SH3PXD2A: variants seen among roughly 807,000 people sequenced by gnomAD.
SH3PXD2A encodes SH3 and PX domain-containing protein 2A.
In SH3PXD2A, 32 loss-of-function variants were observed where a neutral mutation model predicts 115.2. The observed-to-expected ratio is 0.28, with a 90% CI of 0.21 to 0.37. SH3PXD2A has a LOEUF of 0.37. Ranked by LOEUF, SH3PXD2A falls within the 10% of genes least tolerant of loss-of-function variation. The pLI, the probability that SH3PXD2A is intolerant of heterozygous loss-of-function variation, is 1.00. For missense variants in SH3PXD2A, 1,328 were observed against 1,498.7 expected (o/e 0.89, Z 1.88); for synonymous variants, 610 against 629.1 (o/e 0.97, Z 0.45).
intron 13 of SH3PXD2A, 84 bp downstream of exon 13, chr10:103,611,497 G>C: frequency 7.9e-7 from 1 of 1,265,650 alleles, no homozygotes; most frequent in Non-Finnish European, 1.2e-6. Flanking sequence ...AAGAGGCTCT[G>C]CCGCAAGATA....
chr10:103,803,604 G>T (rs11816468), intron 1 of SH3PXD2A, among the ~76,000 whole-genome samples: 3,908 of 152,214 alleles, frequency 0.026, 164 homozygotes, highest in African/African-American at 0.088. Context: ...CAGAGCAAAA[G>T]ATTTGAACCC....
chr10:103,617,762 T>C (rs566938158), intron 10 of SH3PXD2A, among the ~76,000 whole-genome samples: 94 of 152,326 alleles, frequency 6.2e-4, no homozygotes, highest in African/African-American at 2.1e-3. Context: ...TTTCCATCTG[T>C]GTCCCAGATG....
At chr10:103,852,591 G>A (rs1283990284) in intron 1 of SH3PXD2A, among the ~76,000 whole-genome samples, 2 of 152,286 alleles carry the variant, frequency 1.3e-5, no homozygotes, top group East Asian at 1.9e-4. Context: ...GGTGCAGCAC[G>A]TCCTGCCAGC....
chr10:103,803,109 T>A (rs1318856377), intron 1 of SH3PXD2A, among the ~76,000 whole-genome samples: 1 of 152,168 alleles, frequency 6.6e-6, no homozygotes, highest in African/African-American at 2.4e-5. Flanking sequence ...CAGTCTCTTC[T>A]CCCTTCCTAT....
At chr10:103,749,452 A>T (rs1050611071) in intron 3 of SH3PXD2A, among the ~76,000 whole-genome samples, 2 of 152,218 alleles carry the variant, frequency 1.3e-5, no homozygotes, top group Non-Finnish European at 2.9e-5. Context: ...AGCCTAGCAA[A>T]CGTAGCCTAT....
At position 103,730,350 on chromosome 10, in the gene SH3PXD2A, G is replaced by T. The variant is rs566167566; in HGVS notation, c.306+5382C>A. ...TGTGGGTAAAAGCCCGGCCGCGCTG[G>T]GTGGAGTTGGAGGTGTGGCACAAGG... is the stretch of plus-strand genomic sequence containing the variant. On this transcript the variant is annotated intron_variant, in intron 4 of 14. Coordinates refer to ENST00000369774, the MANE Select transcript of SH3PXD2A (RefSeq NM_001394015.1). Among the ~76,000 whole-genome samples the T allele has an allele frequency of 4.0e-5, 6 of 151,732 alleles. No individual in the cohort carries two copies. In the East Asian group the frequency reaches 1.2e-3, roughly 30 times the overall value.
At chr10:103,704,328 A>AG (rs1374513264) in intron 5 of SH3PXD2A, among the ~76,000 whole-genome samples, 2 of 151,856 alleles carry the variant, frequency 1.3e-5, no homozygotes, top group East Asian at 3.9e-4. Flanking sequence ...CCTCAGGGGG[A>AG]GGGGGGAGCA....
intron 11 of SH3PXD2A, among the ~76,000 whole-genome samples, chr10:103,615,123 T>A (rs528814306): frequency 2.6e-5 from 4 of 152,006 alleles, no homozygotes; most frequent in Admixed American, 2.0e-4. Context: ...AGCAAGGGGG[T>A]CACACAGTGA....
intron 1 of SH3PXD2A, among the ~76,000 whole-genome samples, chr10:103,831,214 G>C (rs2039479775): frequency 6.6e-6 from 1 of 152,106 alleles, no homozygotes; most frequent in Admixed American, 6.5e-5. Flanking sequence ...ATTCAATACT[G>C]TTTTGGAGAT....
intron 8 of SH3PXD2A, among the ~76,000 whole-genome samples, chr10:103,640,501 C>G (rs1592277213): frequency 6.6e-6 from 1 of 152,022 alleles, no homozygotes; most frequent in South Asian, 2.1e-4. Flanking sequence ...ACAGCATGGA[C>G]AGGCTGCCTC....
At chr10:103,657,214 G>T (rs899781146) in intron 8 of SH3PXD2A, among the ~76,000 whole-genome samples, 1 of 152,042 alleles carries the variant, frequency 6.6e-6, no homozygotes, top group African/African-American at 2.4e-5. Flanking sequence ...AGAGAAGAAA[G>T]GTGAGGCAGG....
rs374706934 is a variant in SH3PXD2A, at chr10:103,651,228, C to G, written c.604+9755G>C. ...TCCCCACAGCTACACACCTCACACC[C>G]TTGGTGCTGCCCACCAGGTAAGCAG... On this transcript the variant is annotated intron_variant, in intron 8 of 14. Coordinates refer to ENST00000369774, the MANE Select transcript of SH3PXD2A (RefSeq NM_001394015.1). 2.6e-5 allele frequency among the ~76,000 whole-genome samples: 4 copies of G among 152,286 alleles called. No homozygotes were observed. The East Asian group carries it at 7.7e-4, about 29-fold the overall frequency.
intron 2 of SH3PXD2A, among the ~76,000 whole-genome samples, chr10:103,779,495 C>T (rs1422332879): frequency 2.6e-5 from 4 of 152,104 alleles, no homozygotes; most frequent in Admixed American, 2.6e-4. Context: ...ATACATGGGG[C>T]AGTGTGAGGG....
At chr10:103,737,274 T>C (rs1442261400) in intron 3 of SH3PXD2A, among the ~76,000 whole-genome samples, 2 of 152,146 alleles carry the variant, frequency 1.3e-5, no homozygotes, top group Non-Finnish European at 2.9e-5. Flanking sequence ...TTTAAATGAG[T>C]TGAAGATGGG....
chr10:103,679,776 G>A (rs1244512801), intron 6 of SH3PXD2A, among the ~76,000 whole-genome samples: 1 of 152,204 alleles, frequency 6.6e-6, no homozygotes, highest in African/African-American at 2.4e-5. Context: ...GTTGTCACCA[G>A]CCTGTCATCA....
At chr10:103,761,145 A>T (rs1006131696) in intron 3 of SH3PXD2A, among the ~76,000 whole-genome samples, 2 of 152,200 alleles carry the variant, frequency 1.3e-5, no homozygotes, top group Non-Finnish European at 2.9e-5. Flanking sequence ...CCTCCATAAA[A>T]TAAAAATCAA....
Position 103,612,866 on chromosome 10 carries a change from C to A in SH3PXD2A, c.1245G>T (p.Gln415His). The part of the protein sequence containing the change: ...GSPAVARIAP[Q>H]RAQISSPNLR... ...CGAGGCTCTTACTGATCTGGGCCCG[C>A]TGAGGGGCAATCCTGGCCACAGCTG... The change falls in exon 12 of 15, where the codon CAG (glutamine) becomes CAT (histidine). Residue 415 changes from glutamine to histidine, a missense_variant. Physicochemically the swap from Gln to His is conservative, Grantham distance 24 (BLOSUM62 0). This residue lies in a region of SH3PXD2A where 509 missense variants were observed against 628.3 expected (regional missense o/e 0.81). Transcript: ENST00000369774. The A allele has an allele frequency of 6.4e-7, 1 of 1,567,124 alleles. No individual in the cohort carries two copies. Among genetic ancestry groups the A allele is most frequent in the Non-Finnish European group, 8.6e-7 (1 of 1,159,456 alleles).
At chr10:103,794,576 C>T (rs6584570) in intron 2 of SH3PXD2A, among the ~76,000 whole-genome samples, 1 of 152,066 alleles carries the variant, frequency 6.6e-6, no homozygotes, top group African/African-American at 2.4e-5. Flanking sequence ...TCCAGCCACC[C>T]GTGAGAAAGC....
intron 8 of SH3PXD2A, among the ~76,000 whole-genome samples, chr10:103,649,497 C>T (rs555133067): frequency 2.6e-5 from 4 of 152,310 alleles, no homozygotes; most frequent in East Asian, 1.9e-4. Flanking sequence ...CCCAATGCCT[C>T]GAGCAAGAAG....
Sources: gnomAD v4.1 joint callset for allele counts (sites outside exome capture counted in the v4.1 genomes callset) on GRCh38, gnomAD v4.1.1 for gene constraint, gnomAD v4.1.1 regional missense constraint, MANE v1.5 for transcripts, NCBI Gene and HGNC (gene_info 2026-07-23, HGNC 2026-07-21) for gene names.